Variants in SKAP1 observed in about 807,000 individuals in gnomAD.
SKAP1 encodes src kinase associated phosphoprotein 1.
SKAP1 carries 44 observed loss-of-function variants against 58.5 expected under a neutral mutation model. The ratio of observed to expected loss-of-function variants is 0.75; its 90% CI spans 0.59 to 0.97. The LOEUF is 0.97. Ranked by LOEUF, SKAP1 falls within the 50% of genes least tolerant of loss-of-function variation. SKAP1 has a pLI of 0.00. For missense variants in SKAP1, 390 were observed against 435.2 expected, an observed-to-expected ratio of 0.90 and a Z score of 0.92; for synonymous variants, 127 against 149.7, an observed-to-expected ratio of 0.85 and a Z score of 1.11.
intron 11 of SKAP1, among the ~76,000 whole-genome samples, chr17:48,152,684 C>T (rs1007514776): frequency 1.3e-5 from 2 of 152,078 alleles, no homozygotes; most frequent in Non-Finnish European, 2.9e-5. Flanking sequence ...CAGCCTTCAC[C>T]GGTTAGTTTT....
At chr17:48,233,858 GA>G (rs955111305) in intron 4 of SKAP1, among the ~76,000 whole-genome samples, 8 of 149,000 alleles carry the variant, frequency 5.4e-5, no homozygotes, top group East Asian at 3.9e-4. Flanking sequence ...TGTGTCTTGA[GA>G]AAAAAAAAAT....
At chr17:48,160,677 CAG>C (rs1455038610) in intron 11 of SKAP1, among the ~76,000 whole-genome samples, 1 of 152,150 alleles carries the variant, frequency 6.6e-6, no homozygotes, top group Admixed American at 6.5e-5. Context: ...ATAATCATGA[CAG>C]AGAGAAGGCC....
At chr17:48,280,509 C>A (rs1464646763) in intron 4 of SKAP1, among the ~76,000 whole-genome samples, 6 of 151,930 alleles carry the variant, frequency 3.9e-5, no homozygotes, top group Non-Finnish European at 2.9e-5. Context: ...AAAACAACAA[C>A]AAAAAATGAC....
At chr17:48,285,496 TCTCAACTA>T (rs2065819045) in intron 4 of SKAP1, among the ~76,000 whole-genome samples, 1 of 151,888 alleles carries the variant, frequency 6.6e-6, no homozygotes, top group Non-Finnish European at 1.5e-5. Flanking sequence ...GTGCGTGTAA[TCTCAACTA>T]CTCAGGAGGC....
chr17:48,382,584 C>T (rs2067229703), intron 2 of SKAP1: 1 of 152,216 alleles, frequency 6.6e-6, no homozygotes, highest in South Asian at 2.1e-4. Context: ...AAAGTATAGT[C>T]TTTATGACTG....
At chr17:48,328,013 A>G (rs1222436823) in intron 4 of SKAP1, among the ~76,000 whole-genome samples, 1 of 152,168 alleles carries the variant, frequency 6.6e-6, no homozygotes, top group African/African-American at 2.4e-5. Context: ...AATTATCACC[A>G]CAAAGAGTTG....
At chr17:48,227,280 G>GTA (rs933359136) in intron 4 of SKAP1, among the ~76,000 whole-genome samples, 1 of 152,262 alleles carries the variant, frequency 6.6e-6, no homozygotes, top group Admixed American at 6.5e-5. Flanking sequence ...CTGTGCGCTA[G>GTA]TCCTAGCACT....
At chr17:48,385,978 TG>T (rs2067270543) in intron 2 of SKAP1, among the ~76,000 whole-genome samples, 2 of 152,180 alleles carry the variant, frequency 1.3e-5, no homozygotes, top group Non-Finnish European at 2.9e-5. Context: ...GCATCCATGC[TG>T]TGATAGAACT....
At chr17:48,298,705 T>C (rs2066015805) in intron 4 of SKAP1, among the ~76,000 whole-genome samples, 1 of 152,202 alleles carries the variant, frequency 6.6e-6, no homozygotes, top group African/African-American at 2.4e-5. Flanking sequence ...TTAAACTCCT[T>C]CTATAAGGTA....
intron 4 of SKAP1, among the ~76,000 whole-genome samples, chr17:48,194,445 T>TA (rs916105603): frequency 3.9e-5 from 6 of 152,032 alleles, no homozygotes; most frequent in Non-Finnish European, 5.9e-5. Flanking sequence ...AAGCAGTCAA[T>TA]AAAAAAGACA....
At chr17:48,193,768 A>T in intron 4 of SKAP1, 1 of 982,276 alleles carries the variant, frequency 1.0e-6, no homozygotes, top group Non-Finnish European at 1.2e-6. Context: ...GCCTGGATCC[A>T]CACCTACTGG....
intron 4 of SKAP1, among the ~76,000 whole-genome samples, chr17:48,255,421 T>C (rs1015645449): frequency 6.7e-6 from 1 of 149,562 alleles, no homozygotes; most frequent in Non-Finnish European, 1.5e-5. Flanking sequence ...ACTAAATATA[T>C]ATATATGTAT....
At chr17:48,291,666 G>A (rs549839307) in intron 4 of SKAP1, among the ~76,000 whole-genome samples, 3 of 152,170 alleles carry the variant, frequency 2.0e-5, no homozygotes. Context: ...GAGGTGTGTA[G>A]CTCCCTAAAT....
chr17:48,307,002 T>G (rs1205452943), intron 4 of SKAP1, among the ~76,000 whole-genome samples: 1 of 152,226 alleles, frequency 6.6e-6, no homozygotes, highest in Non-Finnish European at 1.5e-5. Context: ...CACGAAGGAT[T>G]ATGTTGAATT....
At chr17:48,395,810 T>C (rs2067411142) in intron 2 of SKAP1, among the ~76,000 whole-genome samples, 1 of 152,216 alleles carries the variant, frequency 6.6e-6, no homozygotes, top group South Asian at 2.1e-4. Flanking sequence ...CATTCCTGAA[T>C]GGAATAGATT....
chr17:48,240,623 G>C (rs1251588696), intron 4 of SKAP1, among the ~76,000 whole-genome samples: 4 of 152,152 alleles, frequency 2.6e-5, no homozygotes, highest in Non-Finnish European at 5.9e-5. Flanking sequence ...ACCTAGTAAA[G>C]TGCTGCCTGT....
At chr17:48,326,877 ATTTC>A (rs1382060204) in intron 4 of SKAP1, among the ~76,000 whole-genome samples, 13 of 149,198 alleles carry the variant, frequency 8.7e-5, no homozygotes, top group Non-Finnish European at 1.5e-4. Context: ...GTGACAAGAA[ATTTC>A]TTTCTTTCTT....
At chr17:48,322,899 C>T (rs917710439) in intron 4 of SKAP1, among the ~76,000 whole-genome samples, 2 of 152,172 alleles carry the variant, frequency 1.3e-5, no homozygotes, top group African/African-American at 2.4e-5. Flanking sequence ...AGTTTGAGAC[C>T]AGCCTGGCCA....
At chr17:48,296,713 T>G (rs2065979348) in intron 4 of SKAP1, among the ~76,000 whole-genome samples, 1 of 152,170 alleles carries the variant, frequency 6.6e-6, no homozygotes, top group African/African-American at 2.4e-5. Context: ...TGCATCATGG[T>G]TGGCTGGTAT....
Sources: gnomAD v4.1 joint callset for allele counts (sites outside exome capture counted in the v4.1 genomes callset) on GRCh38, gnomAD v4.1.1 for gene constraint, MANE v1.5 for transcripts, NCBI Gene and HGNC (gene_info 2026-07-23, HGNC 2026-07-21) for gene names.